AKAP13: variants seen among roughly 807,000 people sequenced by gnomAD.
The protein encoded by AKAP13 is A-kinase anchoring protein 13, also known as A-kinase anchor protein 13.
In AKAP13, 80 loss-of-function variants were observed where a neutral mutation model predicts 264.5. The observed-to-expected ratio is 0.30, with a 90% confidence interval of 0.25 to 0.36. The LOEUF (loss-of-function observed/expected upper bound fraction) is 0.36, where lower values mean the gene tolerates loss of function less well. AKAP13 is among the 10% of genes least tolerant of loss of function. The pLI is 1.00. For synonymous variants in AKAP13, 1,380 were observed against 1,250.2 expected (o/e 1.10, Z -2.19); for missense variants, 3,712 against 3,435.2 (o/e 1.08, Z -2.01).
intron 5 of AKAP13, among the ~76,000 whole-genome samples, chr15:85,556,972 A>C (rs2078170133): frequency 6.6e-6 from 1 of 152,218 alleles, no homozygotes; most frequent in South Asian, 2.1e-4. Context: ...TTTTGCTGTA[A>C]ACGTCTTCTG....
At chr15:85,542,162 T>C (rs144846981) in intron 4 of AKAP13, among the ~76,000 whole-genome samples, 27 of 152,366 alleles carry the variant, frequency 1.8e-4, no homozygotes, top group African/African-American at 5.5e-4. Context: ...GTGAGGATTC[T>C]ATTTGTCCTT....
rs189398466 is a variant in AKAP13 at position 85,617,304 on chromosome 15, C to A, written c.4162-22070C>A. ...CTGTTGCCAGGCTCGAGTGCAGTGG[C>A]GCGATCTTGGCTCACTGCAACCTCC... is the stretch of plus-strand genomic sequence containing the variant. On this transcript the variant is annotated intron_variant, in intron 8 of 36. Transcript: ENST00000394518. Among the ~76,000 whole-genome samples, 934 of 152,258 alleles carry A rather than the reference C, an allele frequency of 6.1e-3. 5 individuals carry two copies. The highest frequency in any genetic ancestry group is 0.011 in the Non-Finnish European group (748 of 68,018).
At chr15:85,618,542 C>T (rs1183768834) in intron 8 of AKAP13, among the ~76,000 whole-genome samples, 4 of 151,928 alleles carry the variant, frequency 2.6e-5, no homozygotes, top group African/African-American at 9.7e-5. Context: ...CCTCCCAAAT[C>T]ATTCATGATC....
intron 34 of AKAP13, chr15:85,740,704 C>G (rs1355277012): frequency 5.8e-6 from 2 of 347,794 alleles, no homozygotes; most frequent in Non-Finnish European, 1.1e-5. Flanking sequence ...CTGTCTCGTT[C>G]CTACTTTCTC....
At chr15:85,609,860 A>G (rs2080523945) in intron 8 of AKAP13, among the ~76,000 whole-genome samples, 1 of 152,078 alleles carries the variant, frequency 6.6e-6, no homozygotes, top group Admixed American at 6.5e-5. Flanking sequence ...CCTTCCGTTT[A>G]TTTTAAAACA....
intron 10 of AKAP13, among the ~76,000 whole-genome samples, chr15:85,648,787 C>T (rs907899649): frequency 3.3e-5 from 5 of 151,966 alleles, no homozygotes; most frequent in South Asian, 4.2e-4. Flanking sequence ...TGCAGTGAGC[C>T]GTGATGGCAC....
rs181135575 is a variant in AKAP13, at chr15:85,710,626, G to C, written c.5580G>C (p.Thr1860=). 65 of 1,613,728 alleles carry C rather than the reference G, an allele frequency of 4.0e-5. No individual in the cohort carries two copies. Among genetic ancestry groups the C allele is most frequent in the Non-Finnish European group, 3.4e-6 (4 of 1,179,812 alleles). ...LQAHDTSSLP[T]VIMRNKPSQP... is the part of the protein sequence containing the mutation. Reference sequence around the variant, plus strand: ...CACATGACACATCATCACTGCCCACGGTCATTATGAGAAACAAGCGTAAGT... The same window carrying C: ...CACATGACACATCATCACTGCCCACCGTCATTATGAGAAACAAGCGTAAGT... The change falls in exon 19 of 37, where the codon ACG becomes ACC. Residue 1860 remains threonine (T), a synonymous_variant. Coordinates refer to ENST00000394518, the MANE Select transcript of AKAP13 (RefSeq NM_007200.5).
intron 14 of AKAP13, among the ~76,000 whole-genome samples, chr15:85,681,939 A>G (rs950163044): frequency 6.6e-6 from 1 of 152,068 alleles, no homozygotes; most frequent in African/African-American, 2.4e-5. Flanking sequence ...GATTAAACTT[A>G]TTTTCTTCAT....
intron 1 of AKAP13, among the ~76,000 whole-genome samples, chr15:85,485,294 C>A (rs1567081665): frequency 6.6e-6 from 1 of 152,158 alleles, no homozygotes; most frequent in Non-Finnish European, 1.5e-5. Flanking sequence ...CCCTTGCAAT[C>A]CTCCCCTCAC....
intron 12 of AKAP13, among the ~76,000 whole-genome samples, chr15:85,661,101 A>G (rs1209452653): frequency 6.6e-6 from 1 of 152,210 alleles, no homozygotes; most frequent in African/African-American, 2.4e-5. Flanking sequence ...ACAAAAACAC[A>G]TCACCTAGAA....
chr15:85,748,590 C>G lies in AKAP13; in HGVS notation c.*3913C>G, dbSNP rs1318795838. On this transcript the variant is annotated 3_prime_UTR_variant, in exon 37 of 37. Transcript: ENST00000394518. ...TCCTAGTTAACCAGAGCCTTGGAAT[C>G]TACTGCCTGCTGGCCAGGCTTTAAA... 6.6e-6 allele frequency: 1 copy of G among 152,208 alleles called. No individual in the cohort carries two copies. The highest frequency in any genetic ancestry group is 1.5e-5 in the Non-Finnish European group (1 of 68,040). 9.4% of individuals were successfully genotyped at this position (152,208 alleles called of 1,614,324 possible).
At chr15:85,496,975 G>C (rs76420222) in intron 2 of AKAP13, among the ~76,000 whole-genome samples, 2,538 of 152,248 alleles carry the variant, frequency 0.017, 85 homozygotes, top group African/African-American at 0.058. Flanking sequence ...CTTTTCATTT[G>C]TAAGTAGTAT....
intron 13 of AKAP13, among the ~76,000 whole-genome samples, chr15:85,669,196 G>A (rs1414178042): frequency 6.6e-6 from 1 of 152,108 alleles, no homozygotes; most frequent in African/African-American, 2.4e-5. Flanking sequence ...CCAAGATTAT[G>A]CCTCTGCACA....
rs866101706 is a variant in AKAP13, at chr15:85,741,165, C to G, written c.7728C>G (p.Ser2576Arg). ...TCATTGAGCAGGAGAAGCAGCGCAG[C>G]CTGGAGAAGCAGCGCCAGGACCTGG... ...SSLIEQEKQR[S>R]LEKQRQDLAN... The change falls in exon 35 of 37, where the codon AGC (serine) becomes AGG (arginine). Residue 2576 changes from serine to arginine, a missense_variant. Physicochemically the swap from Ser to Arg is moderately radical, Grantham distance 110 (BLOSUM62 -1). Coordinates refer to ENST00000394518, the MANE Select transcript of AKAP13 (RefSeq NM_007200.5). 6.2e-7 allele frequency: 1 copy of G among 1,612,858 alleles called. No homozygotes were observed. The highest frequency in any genetic ancestry group is 8.5e-7 in the Non-Finnish European group (1 of 1,179,462).
At chr15:85,562,334 G>T (rs1294701311) in intron 5 of AKAP13, among the ~76,000 whole-genome samples, 1 of 151,904 alleles carries the variant, frequency 6.6e-6, no homozygotes, top group Non-Finnish European at 1.5e-5. Context: ...GGAGGCCGAG[G>T]CGTGCGGATC....
intron 18 of AKAP13, 90 bp from the exon 19 acceptor site, chr15:85,710,489 A>G (rs901987035): frequency 1.4e-5 from 18 of 1,283,316 alleles, no homozygotes; most frequent in Non-Finnish European, 1.9e-5. Context: ...AGAGTGGGAA[A>G]GGAAGCTGAA....
At chr15:85,706,959 C>T (rs749429358) in intron 17 of AKAP13, among the ~76,000 whole-genome samples, 1 of 152,168 alleles carries the variant, frequency 6.6e-6, no homozygotes, top group Admixed American at 6.5e-5. Flanking sequence ...TCCAGTCCCC[C>T]ACAAATCCAT....
intron 19 of AKAP13, among the ~76,000 whole-genome samples, chr15:85,711,451 G>C (rs758482731): frequency 1.3e-5 from 2 of 151,956 alleles, no homozygotes; most frequent in Non-Finnish European, 2.9e-5. Context: ...TGAAAAAAAT[G>C]TATTATTTTG....
intron 1 of AKAP13, among the ~76,000 whole-genome samples, chr15:85,405,500 A>G (rs2071619189): frequency 1.3e-5 from 2 of 152,228 alleles, no homozygotes; most frequent in Admixed American, 6.5e-5. Context: ...AGGGTTGGCA[A>G]AGGTTGAAGG....
Sources: gnomAD v4.1 joint callset for allele counts (sites outside exome capture counted in the v4.1 genomes callset) on GRCh38, gnomAD v4.1.1 for gene constraint, MANE v1.5 for transcripts, NCBI Gene and HGNC (gene_info 2026-07-23, HGNC 2026-07-21) for gene names.